The following STIM2 variants were observed in gnomAD, a reference collection of about 807,000 sequenced individuals.
STIM2 encodes stromal interaction molecule 2.
STIM2 carries 31 observed loss-of-function variants against 85.8 expected under a neutral mutation model. That is an observed-to-expected ratio of 0.36 (90% CI 0.27 to 0.49). STIM2 has a LOEUF of 0.49. Among genes scored for constraint, STIM2 ranks in the 20% least tolerant of loss-of-function variants. The probability of loss-of-function intolerance (pLI) is 0.98; values close to 1 mark genes in which losing one functional copy is unlikely to be tolerated. For synonymous variants in STIM2, 356 were observed against 331.1 expected (o/e 1.08, Z -0.82); for missense variants, 841 against 927.6 (o/e 0.91, Z 1.21).
chr4:26,923,132 G>T (rs933811374), intron 2 of STIM2, among the ~76,000 whole-genome samples: 1 of 151,180 alleles, frequency 6.6e-6, no homozygotes, highest in East Asian at 1.9e-4. Context: ...ACGTCACACG[G>T]CAGGGTATTC....
At chr4:26,906,174 C>A (rs1724117717) in intron 1 of STIM2, among the ~76,000 whole-genome samples, 1 of 152,012 alleles carries the variant, frequency 6.6e-6, no homozygotes, top group Non-Finnish European at 1.5e-5. Flanking sequence ...CTAATACAGA[C>A]ACAGAAAACC....
intron 2 of STIM2, among the ~76,000 whole-genome samples, chr4:26,947,409 A>G (rs1263614267): frequency 6.6e-6 from 1 of 152,218 alleles, no homozygotes; most frequent in Non-Finnish European, 1.5e-5. Flanking sequence ...ACAAATATAT[A>G]TATAAAATGA....
intron 2 of STIM2, 33 bp from the exon 3 acceptor site, chr4:26,957,579 T>G (rs780342157): frequency 4.0e-5 from 49 of 1,236,518 alleles, no homozygotes; most frequent in Non-Finnish European, 5.2e-5. Context: ...AGGTAATGAA[T>G]TTATATTTAA....
At chr4:26,886,557 G>A (rs907468477) in intron 1 of STIM2, among the ~76,000 whole-genome samples, 1 of 152,214 alleles carries the variant, frequency 6.6e-6, no homozygotes, top group Non-Finnish European at 1.5e-5. Context: ...GACCCTTCAG[G>A]TGGAGAGAAT....
chr4:27,002,594 G>C (rs1728196095), intron 6 of STIM2, among the ~76,000 whole-genome samples, 200 bp downstream of exon 6: 1 of 152,180 alleles, frequency 6.6e-6, no homozygotes. Flanking sequence ...GAATAAATGA[G>C]TAGAAGAACA....
At chr4:27,005,576 C>A (rs1040327118) in intron 7 of STIM2, among the ~76,000 whole-genome samples, 22 of 152,102 alleles carry the variant, frequency 1.4e-4, no homozygotes, top group Admixed American at 1.0e-3. Flanking sequence ...CTGTTTATTA[C>A]TCAATTTTTT....
At chr4:26,914,933 C>T (rs976203985) in intron 1 of STIM2, among the ~76,000 whole-genome samples, 1 of 152,166 alleles carries the variant, frequency 6.6e-6, no homozygotes, top group Non-Finnish European at 1.5e-5. Context: ...CAGTCAGCTT[C>T]TCAGCCAGGT....
At chr4:26,867,811 C>T (rs1230926347) in intron 1 of STIM2, among the ~76,000 whole-genome samples, 2 of 152,186 alleles carry the variant, frequency 1.3e-5, no homozygotes, top group Non-Finnish European at 2.9e-5. Context: ...TAACTGTTTT[C>T]CTTGACTGGT....
Position 26,999,362 on chromosome 4 carries a change from T to C in STIM2, c.625+15T>C. On this transcript the variant is annotated intron_variant, in intron 5 of 11. Coordinates refer to ENST00000467087, the MANE Select transcript of STIM2 (RefSeq NM_020860.4). ...ACCTCTAACACGTTAGTATTCTCTC[T>C]CACTCAGAGGATGATGTAAAAGAAT... The C allele has an allele frequency of 1.3e-6, 2 of 1,523,314 alleles. No individual in the cohort carries two copies. The highest frequency in any genetic ancestry group is 1.8e-6 in the Non-Finnish European group (2 of 1,110,504). 94.4% of individuals were successfully genotyped at this position (1,523,314 alleles called of 1,614,324 possible).
chr4:26,943,351 G>A lies in STIM2; in HGVS notation c.283-14261G>A, dbSNP rs552080149. Among the ~76,000 whole-genome samples the A allele has an allele frequency of 2.6e-5, 4 of 152,086 alleles. No homozygotes were observed. In the South Asian group the frequency reaches 8.3e-4, roughly 32 times the overall value. On this transcript the variant is annotated intron_variant, in intron 2 of 11. Transcript: ENST00000467087. Reference sequence around the variant, plus strand: ...CAAGGATCCTCTAAAGGCAATGAGAGGCAGGCTTGTGTGTATGTTTAGTAT... The same window carrying A: ...CAAGGATCCTCTAAAGGCAATGAGAAGCAGGCTTGTGTGTATGTTTAGTAT...
At chr4:26,934,103 A>T (rs1030656778) in intron 2 of STIM2, among the ~76,000 whole-genome samples, 1 of 152,208 alleles carries the variant, frequency 6.6e-6, no homozygotes, top group Admixed American at 6.5e-5. Context: ...CTGAGGCAGA[A>T]GAATCACTTG....
At chr4:26,953,628 A>G (rs1390303832) in intron 2 of STIM2, among the ~76,000 whole-genome samples, 1 of 152,104 alleles carries the variant, frequency 6.6e-6, no homozygotes, top group Admixed American at 6.6e-5. Context: ...CAGGATAAAA[A>G]TTGTGCAAAA....
chr4:26,953,083 T>C (rs1302600972), intron 2 of STIM2, among the ~76,000 whole-genome samples: 2 of 152,170 alleles, frequency 1.3e-5, no homozygotes, highest in African/African-American at 4.8e-5. Flanking sequence ...TGTGTTGTTT[T>C]GATGACAGGT....
intron 1 of STIM2, among the ~76,000 whole-genome samples, chr4:26,918,615 G>A (rs1724680484): frequency 6.6e-6 from 1 of 152,150 alleles, no homozygotes; most frequent in Non-Finnish European, 1.5e-5. Flanking sequence ...TAGAAGAGAA[G>A]TAAGTTCCTA....
At chr4:26,905,560 T>G (rs1724093134) in intron 1 of STIM2, among the ~76,000 whole-genome samples, 1 of 152,088 alleles carries the variant, frequency 6.6e-6, no homozygotes, top group Non-Finnish European at 1.5e-5. Flanking sequence ...ACCTGAGCAG[T>G]TTTAGGAATG....
intron 1 of STIM2, among the ~76,000 whole-genome samples, chr4:26,900,965 A>G (rs1443410343): frequency 2.0e-5 from 3 of 152,158 alleles, no homozygotes; most frequent in Non-Finnish European, 4.4e-5. Context: ...ACACCCTTCA[A>G]AAGGCACAGC....
chr4:26,893,382 A>G (rs1723570854), intron 1 of STIM2, among the ~76,000 whole-genome samples: 1 of 152,024 alleles, frequency 6.6e-6, no homozygotes, highest in African/African-American at 2.4e-5. Flanking sequence ...AATATTATTT[A>G]GTTTTGTCTT....
chr4:26,939,925 TG>T (rs1365921246), intron 2 of STIM2, among the ~76,000 whole-genome samples: 48 of 152,318 alleles, frequency 3.2e-4, no homozygotes, highest in African/African-American at 1.1e-3. Flanking sequence ...CCACAAGGCA[TG>T]TTACGGCAAA....
intron 1 of STIM2, among the ~76,000 whole-genome samples, chr4:26,877,767 A>G (rs752526475): frequency 6.6e-6 from 1 of 152,016 alleles, no homozygotes; most frequent in Non-Finnish European, 1.5e-5. Context: ...CCTACTTGCT[A>G]TGGTTTGAAA....
Sources: allele counts gnomAD v4.1 joint callset (sites outside exome capture counted in the v4.1 genomes callset), GRCh38; gene constraint gnomAD v4.1.1; transcripts MANE v1.5; gene names NCBI Gene and HGNC (gene_info 2026-07-23, HGNC 2026-07-21).